NEK10: variants seen among roughly 807,000 people sequenced by gnomAD.
NEK10 encodes NIMA related kinase 10.
A neutral mutation model predicts 159.8 loss-of-function variants in NEK10; 122 were observed. That is an observed-to-expected ratio of 0.76 (90% CI 0.66 to 0.89). The LOEUF is 0.89. NEK10 is among the 40% of genes least tolerant of loss of function. The probability of loss-of-function intolerance (pLI) is 0.00; values close to 1 mark genes in which losing one functional copy is unlikely to be tolerated. For synonymous variants in NEK10, 466 were observed against 457.1 expected (o/e 1.02, Z -0.25); for missense variants, 1,342 against 1,323.1 (o/e 1.01, Z -0.22).
At chr3:27,283,854 T>C (rs970027609) in intron 22 of NEK10, among the ~76,000 whole-genome samples, 1 of 152,168 alleles carries the variant, frequency 6.6e-6, no homozygotes, top group African/African-American at 2.4e-5. Flanking sequence ...GCACAGACTA[T>C]GGTAAAATGG....
At chr3:27,216,054 C>A (rs1951497047) in intron 23 of NEK10, among the ~76,000 whole-genome samples, 1 of 152,110 alleles carries the variant, frequency 6.6e-6, no homozygotes, top group Admixed American at 6.5e-5. Context: ...GAAAGTATAC[C>A]TTGATTGTAC....
At chr3:27,206,851 G>T (rs966633109) in intron 23 of NEK10, among the ~76,000 whole-genome samples, 1 of 152,090 alleles carries the variant, frequency 6.6e-6, no homozygotes, top group African/African-American at 2.4e-5. Context: ...GCAGGACAAA[G>T]GCCTGAGCAT....
rs79547012 is a variant in NEK10 at position 27,337,004 on chromosome 3, A to G, written c.362+7268T>C. On this transcript the variant is annotated intron_variant, in intron 5 of 35. Coordinates refer to ENST00000691995, the MANE Select transcript of NEK10 (RefSeq NM_001394966.1). ...CTAGCCAGAACAATAAGTCAAGACA[A>G]AGAAATAAAAGGCATACACATTTGG... 3.2e-4 allele frequency among the ~76,000 whole-genome samples: 49 copies of G among 151,138 alleles called. No individual in the cohort carries two copies. In the East Asian group the frequency reaches 9.5e-3, roughly 29 times the overall value.
chr3:27,367,391 A>T (rs947365614), intron 1 of NEK10: 1 of 152,248 alleles, frequency 6.6e-6, no homozygotes, highest in African/African-American at 2.4e-5. Flanking sequence ...AGCTTATGTC[A>T]TATAATAACA....
At chr3:27,351,095 C>T (rs894456031) in intron 3 of NEK10, among the ~76,000 whole-genome samples, 9 of 152,012 alleles carry the variant, frequency 5.9e-5, no homozygotes, top group Admixed American at 3.3e-4. Flanking sequence ...AAGAAGGAGC[C>T]TTGGGAAGAC....
chr3:27,251,642 C>A (rs1466106839), intron 23 of NEK10, among the ~76,000 whole-genome samples: 3 of 152,166 alleles, frequency 2.0e-5, no homozygotes, highest in African/African-American at 7.2e-5. Flanking sequence ...ACCAGTTAAA[C>A]CTCTTTTCTT....
intron 11 of NEK10, among the ~76,000 whole-genome samples, chr3:27,306,214 C>A (rs114872647): frequency 6.6e-6 from 1 of 152,146 alleles, no homozygotes; most frequent in Non-Finnish European, 1.5e-5. Context: ...TCCTGGGCAA[C>A]GTTGGGATTC....
intron 12 of NEK10, 107 bp from the exon 13 acceptor site, chr3:27,301,942 A>G: frequency 4.9e-6 from 4 of 819,074 alleles, no homozygotes; most frequent in Middle Eastern, 2.8e-4. Flanking sequence ...TCATGAAGGC[A>G]TCATTATTGT....
chr3:27,332,370 T>C (rs2046481332), intron 5 of NEK10, among the ~76,000 whole-genome samples: 1 of 152,114 alleles, frequency 6.6e-6, no homozygotes, highest in African/African-American at 2.4e-5. Flanking sequence ...GAAAAAGAGG[T>C]TTATTTTTGT....
chr3:27,241,323 T>C (rs1195603646), intron 23 of NEK10, among the ~76,000 whole-genome samples: 1 of 152,208 alleles, frequency 6.6e-6, no homozygotes, highest in Non-Finnish European at 1.5e-5. Context: ...GTAGGTGTCC[T>C]ATTAACATCC....
chr3:27,310,802 G>A (rs1282819885), intron 9 of NEK10, 147 bp downstream of exon 9: 2 of 509,672 alleles, frequency 3.9e-6, no homozygotes, highest in Non-Finnish European at 3.5e-6. Context: ...AATATAAAAG[G>A]GTTGACAAAG....
At position 27,192,351 on chromosome 3, in the gene NEK10, C is replaced by T. The variant is rs116870405; in HGVS notation, c.2292-109G>A. Reference sequence around the variant, plus strand: ...CTGTGTGTCCACTATGGTATTTTCACCTAAGATAACCTGGGATAAGATGGA... The same window carrying T: ...CTGTGTGTCCACTATGGTATTTTCATCTAAGATAACCTGGGATAAGATGGA... On this transcript the variant is annotated intron_variant, in intron 25 of 35. Coordinates refer to ENST00000691995, the MANE Select transcript of NEK10 (RefSeq NM_001394966.1). The T allele has an allele frequency of 9.7e-5, 72 of 739,768 alleles. No individual in the cohort carries two copies. In the East Asian group the frequency reaches 1.7e-3, roughly 17 times the overall value. 45.8% of individuals were successfully genotyped at this position (739,768 alleles called of 1,614,324 possible). A position where few individuals can be genotyped will look rare whatever the true frequency, so the allele number is the denominator to read the frequency against.
intron 22 of NEK10, chr3:27,278,993 C>T: frequency 1.2e-6 from 1 of 837,152 alleles, no homozygotes; most frequent in Non-Finnish European, 1.4e-6. Flanking sequence ...TGTCATGGCA[C>T]ATGCCATCAA....
At chr3:27,345,182 A>G (rs574592457) in intron 4 of NEK10, among the ~76,000 whole-genome samples, 2 of 152,264 alleles carry the variant, frequency 1.3e-5, no homozygotes, top group South Asian at 4.2e-4. Context: ...AAGGTGTGTA[A>G]CCTTATGTTG....
chr3:27,146,366 G>T (rs1944298487), intron 30 of NEK10, among the ~76,000 whole-genome samples: 1 of 152,058 alleles, frequency 6.6e-6, no homozygotes, highest in South Asian at 2.1e-4. Context: ...TCAAAATATG[G>T]TATCAATGCA....
intron 22 of NEK10, among the ~76,000 whole-genome samples, chr3:27,273,933 T>C (rs889340247): frequency 2.0e-5 from 3 of 152,212 alleles, no homozygotes; most frequent in Non-Finnish European, 4.4e-5. Flanking sequence ...CCTGTCTCAC[T>C]GACACTTCCT....
At chr3:27,264,050 A>G (rs564612612) in intron 22 of NEK10, among the ~76,000 whole-genome samples, 1 of 152,360 alleles carries the variant, frequency 6.6e-6, no homozygotes, top group Non-Finnish European at 1.5e-5. Flanking sequence ...AGATGAGGAA[A>G]TAGGCTCAAA....
At position 27,118,308 on chromosome 3, in the gene NEK10, T is replaced by C. The variant is rs1446719673; in HGVS notation, c.3190+1452A>G. On this transcript the variant is annotated intron_variant, in intron 33 of 35. Coordinates refer to ENST00000691995, the MANE Select transcript of NEK10 (RefSeq NM_001394966.1). Reference sequence around the variant, plus strand: ...TTGTCTTGCTGGACAGACTTTATGATGGTTGATCAGAATTTGGTATACCAG... The same window carrying C: ...TTGTCTTGCTGGACAGACTTTATGACGGTTGATCAGAATTTGGTATACCAG... Among the ~76,000 whole-genome samples the C allele has an allele frequency of 3.9e-5, 6 of 152,210 alleles. No individual in the cohort carries two copies. In the East Asian group the frequency reaches 1.2e-3, roughly 29 times the overall value.
chr3:27,259,217 G>A (rs150335441), intron 22 of NEK10, among the ~76,000 whole-genome samples: 6,074 of 152,204 alleles, frequency 0.04, 199 homozygotes, highest in African/African-American at 0.091. Context: ...AAGCTCTTTA[G>A]CTTAATTAGA....
Sources: allele counts gnomAD v4.1 joint callset (sites outside exome capture counted in the v4.1 genomes callset), GRCh38; gene constraint gnomAD v4.1.1; transcripts MANE v1.5; gene names NCBI Gene and HGNC (gene_info 2026-07-23, HGNC 2026-07-21).